MNAT1: variants seen among roughly 807,000 people sequenced by gnomAD.
MNAT1 encodes the protein MNAT1 component of CDK activating kinase.
A neutral mutation model predicts 42.0 loss-of-function variants in MNAT1; 43 were observed. That is an observed-to-expected ratio of 1.02 (90% confidence interval 0.80 to 1.32). The LOEUF (loss-of-function observed/expected upper bound fraction) is 1.32, where lower values mean the gene tolerates loss of function less well. Ranked by LOEUF, MNAT1 falls within the 40% of genes most tolerant of loss-of-function variation. The pLI, the probability that MNAT1 is intolerant of heterozygous loss-of-function variation, is 0.00. For missense variants in MNAT1, 306 were observed against 350.4 expected (o/e 0.87, Z 1.01); for synonymous variants, 118 against 120.0 (o/e 0.98, Z 0.11).
intron 7 of MNAT1, among the ~76,000 whole-genome samples, chr14:60,902,516 A>T (rs902308198): frequency 4.6e-5 from 7 of 152,192 alleles, no homozygotes; most frequent in Admixed American, 4.6e-4. Context: ...AAAGCACTCC[A>T]TAATTGTTTC....
At chr14:60,798,234 C>A in intron 3 of MNAT1, 74 bp downstream of exon 3, 2 of 770,278 alleles carry the variant, frequency 2.6e-6, no homozygotes, top group Non-Finnish European at 2.1e-6. Flanking sequence ...AGGAGAACAT[C>A]TCACATAAAA....
At chr14:60,874,100 A>C (rs1263002783) in intron 6 of MNAT1, among the ~76,000 whole-genome samples, 4 of 152,186 alleles carry the variant, frequency 2.6e-5, no homozygotes, top group Non-Finnish European at 5.9e-5. Context: ...AAGCAATTCC[A>C]TAATTTGCTC....
At chr14:60,766,167 G>A (rs2030806910) in intron 1 of MNAT1, among the ~76,000 whole-genome samples, 1 of 151,934 alleles carries the variant, frequency 6.6e-6, no homozygotes, top group Non-Finnish European at 1.5e-5. Context: ...GGCCAAGGTG[G>A]TGAAACCCTG....
intron 1 of MNAT1, among the ~76,000 whole-genome samples, chr14:60,784,793 G>A (rs150286718): frequency 6.6e-6 from 1 of 152,100 alleles, no homozygotes; most frequent in East Asian, 1.9e-4. Context: ...GTTAGTTTCT[G>A]GAAAGTGTAA....
At chr14:60,765,334 G>T (rs1306667371) in intron 1 of MNAT1, among the ~76,000 whole-genome samples, 1 of 152,096 alleles carries the variant, frequency 6.6e-6, no homozygotes, top group Non-Finnish European at 1.5e-5. Context: ...AGAACACATG[G>T]ACACAGGGAG....
At chr14:60,815,626 G>A (rs1205089333) in intron 5 of MNAT1, among the ~76,000 whole-genome samples, 1 of 152,192 alleles carries the variant, frequency 6.6e-6, no homozygotes, top group African/African-American at 2.4e-5. Context: ...AACTACCATT[G>A]TTGTACATTG....
In MNAT1 at chr14:60,932,990, G is replaced by C. The variant is rs147000566; in HGVS notation, c.810-35239G>C. On this transcript the variant is annotated intron_variant, in intron 7 of 7. Coordinates refer to ENST00000261245, the MANE Select transcript of MNAT1 (RefSeq NM_002431.4). ...GAATTTTTGGAATTATATTGCCTGA[G>C]TTCAAATCTTGGCTGTTTTGCTTGG... Among the ~76,000 whole-genome samples, 69 of 152,154 alleles carry C rather than the reference G, an allele frequency of 4.5e-4. No homozygotes were observed. In the East Asian group the frequency reaches 0.013, roughly 28 times the overall value.
intron 7 of MNAT1, among the ~76,000 whole-genome samples, chr14:60,949,868 C>T (rs992605149): frequency 6.6e-6 from 1 of 152,042 alleles, no homozygotes; most frequent in African/African-American, 2.4e-5. Flanking sequence ...TTCTGTGGGC[C>T]TAAGTATTAA....
intron 6 of MNAT1, among the ~76,000 whole-genome samples, chr14:60,832,527 AT>A (rs2033255786): frequency 6.6e-6 from 1 of 151,936 alleles, no homozygotes; most frequent in Non-Finnish European, 1.5e-5. Flanking sequence ...TTTATGTTTC[AT>A]TGGTCTATAT....
chr14:60,860,132 T>A (rs555705461), intron 6 of MNAT1, among the ~76,000 whole-genome samples: 1 of 152,286 alleles, frequency 6.6e-6, no homozygotes, highest in Non-Finnish European at 1.5e-5. Context: ...CCTTGAGTTC[T>A]AACTTTCAGG....
chr14:60,801,769 G>C (rs1240182884), intron 3 of MNAT1, among the ~76,000 whole-genome samples: 2 of 152,156 alleles, frequency 1.3e-5, no homozygotes, highest in African/African-American at 4.8e-5. Flanking sequence ...CAGTATGGAA[G>C]TTCCTCAAAT....
chr14:60,793,057 C>T (rs1426058589), intron 1 of MNAT1, among the ~76,000 whole-genome samples: 5 of 151,172 alleles, frequency 3.3e-5, no homozygotes, highest in Non-Finnish European at 7.4e-5. Context: ...CTTGCTCTGT[C>T]GCCCAGACTG....
intron 7 of MNAT1, among the ~76,000 whole-genome samples, chr14:60,943,853 T>C (rs1038866601): frequency 1.3e-5 from 2 of 152,172 alleles, no homozygotes; most frequent in Non-Finnish European, 2.9e-5. Flanking sequence ...CCCTGCCTTC[T>C]CAAGCAATGA....
intron 6 of MNAT1, among the ~76,000 whole-genome samples, chr14:60,839,117 TACATTCAAGCCAGGA>T (rs2139397728): frequency 6.6e-6 from 1 of 152,256 alleles, no homozygotes; most frequent in South Asian, 2.1e-4. Context: ...GATGAAATCC[TACATTCAAGCCAGGA>T]ACAGTCTGAA....
At chr14:60,848,301 T>A (rs933638917) in intron 6 of MNAT1, among the ~76,000 whole-genome samples, 1 of 152,230 alleles carries the variant, frequency 6.6e-6, no homozygotes, top group African/African-American at 2.4e-5. Flanking sequence ...TTGTGTGTGA[T>A]AAGTATTTTC....
At chr14:60,956,358 T>C (rs1262694666) in intron 7 of MNAT1, among the ~76,000 whole-genome samples, 1 of 152,204 alleles carries the variant, frequency 6.6e-6, no homozygotes, top group East Asian at 1.9e-4. Context: ...ATTGTGGTTA[T>C]AAAAATTACT....
chr14:60,751,590 T>G (rs2030096081), intron 1 of MNAT1, among the ~76,000 whole-genome samples: 1 of 151,918 alleles, frequency 6.6e-6, no homozygotes, highest in South Asian at 2.1e-4. Flanking sequence ...TAGGATAACT[T>G]ATTTTATAGT....
At chr14:60,955,678 T>TAAAA (rs2036475874) in intron 7 of MNAT1, among the ~76,000 whole-genome samples, 2 of 152,076 alleles carry the variant, frequency 1.3e-5, no homozygotes, top group South Asian at 4.1e-4. Context: ...AATAAATAAA[T>TAAAA]AAAAGATTCA....
chr14:60,911,886 C>A (rs2035375027), intron 7 of MNAT1, among the ~76,000 whole-genome samples: 1 of 152,014 alleles, frequency 6.6e-6, no homozygotes, highest in Admixed American at 6.6e-5. Flanking sequence ...TGTTAACTTT[C>A]TGTCTCGTTG....
Sources: gnomAD v4.1 joint callset for allele counts (sites outside exome capture counted in the v4.1 genomes callset) on GRCh38, gnomAD v4.1.1 for gene constraint, MANE v1.5 for transcripts, NCBI Gene and HGNC (gene_info 2026-07-23, HGNC 2026-07-21) for gene names.